Variants in RANBP17 observed in about 807,000 individuals in gnomAD.
The protein encoded by RANBP17 is RAN binding protein 17, also known as ran-binding protein 17.
Under a neutral mutation model 141.2 loss-of-function variants are expected in RANBP17, and 158 were observed. The ratio of observed to expected loss-of-function variants is 1.12; its 90% confidence interval spans 0.98 to 1.28. The LOEUF (loss-of-function observed/expected upper bound fraction) is 1.28. RANBP17 is among the 50% of genes most tolerant of loss of function. RANBP17 has a pLI of 0.00. For synonymous variants in RANBP17, 430 were observed against 450.0 expected (o/e 0.96, Z 0.56); for missense variants, 1,438 against 1,290.7 (o/e 1.11, Z -1.75).
At chr5:171,020,276 A>G (rs753661881) in intron 14 of RANBP17, among the ~76,000 whole-genome samples, 28 of 152,264 alleles carry the variant, frequency 1.8e-4, no homozygotes, top group Non-Finnish European at 2.2e-4. Context: ...GTGGATGTCT[A>G]TTAGGTCCAC....
intron 14 of RANBP17, among the ~76,000 whole-genome samples, chr5:171,104,023 C>T (rs1370559811): frequency 6.6e-6 from 1 of 151,976 alleles, no homozygotes; most frequent in African/African-American, 2.4e-5. Flanking sequence ...TCGCTGGGAG[C>T]TTTTTGTTTG....
chr5:170,985,018 CAT>C lies in RANBP17; in HGVS notation c.1710+16645_1710+16646del, dbSNP rs1778035615. 2.8e-5 allele frequency among the ~76,000 whole-genome samples: 4 copies of C among 145,318 alleles called. No individual in the cohort carries two copies. The South Asian group carries it at 9.7e-4, about 35-fold the overall frequency. ...ATACACAGACACACAGACACATACACATATACACACACAGACACACAGGCACA... is the reference window on the plus strand; with the variant it reads ...ATACACAGACACACAGACACATACACATACACACACAGACACACAGGCACA... On this transcript the variant is annotated intron_variant, in intron 14 of 27. Transcript: ENST00000523189.
At chr5:171,079,374 T>C (rs1785125080) in intron 14 of RANBP17, among the ~76,000 whole-genome samples, 1 of 152,204 alleles carries the variant, frequency 6.6e-6, no homozygotes, top group Admixed American at 6.5e-5. Flanking sequence ...TGACAAAAGA[T>C]TTAGAAAATT....
intron 14 of RANBP17, among the ~76,000 whole-genome samples, chr5:171,115,013 A>G (rs1049453936): frequency 6.6e-5 from 10 of 151,998 alleles, no homozygotes; most frequent in Admixed American, 2.0e-4. Context: ...GCTTGGGAGG[A>G]TGATTGCAGC....
chr5:171,226,904 G>A lies in RANBP17; in HGVS notation c.2422+5064G>A, dbSNP rs555724293. The stretch of plus-strand genomic sequence containing the variant: ...GTGTTTTTTATAAATTGAAGGTTTG[G>A]AGCAACCCTGCATGGAGCAAGTATA... On this transcript the variant is annotated intron_variant, in intron 22 of 27. Transcript: ENST00000523189. Among the ~76,000 whole-genome samples, 10 of 152,208 alleles carry A rather than the reference G, an allele frequency of 6.6e-5. No homozygotes were observed. The South Asian group carries it at 1.7e-3, about 25-fold the overall frequency.
chr5:171,264,481 C>T (rs1049360603), intron 24 of RANBP17, among the ~76,000 whole-genome samples: 2 of 152,182 alleles, frequency 1.3e-5, no homozygotes, highest in African/African-American at 4.8e-5. Context: ...GTGCAGTCTT[C>T]TAGCTGTGTG....
chr5:170,962,308 T>C (rs1358745576), intron 13 of RANBP17, among the ~76,000 whole-genome samples: 1 of 152,242 alleles, frequency 6.6e-6, no homozygotes, highest in Non-Finnish European at 1.5e-5. Context: ...GGTGGGGATG[T>C]CATTGCCTCT....
chr5:171,020,920 C>CT lies in RANBP17; in HGVS notation c.1710+52546dup, dbSNP rs565300872. Among the ~76,000 whole-genome samples, 162 of 152,200 alleles carry CT rather than the reference C, an allele frequency of 1.1e-3. 3 individuals carry two copies. In the South Asian group the frequency reaches 0.033, roughly 31 times the overall value. On this transcript the variant is annotated intron_variant, in intron 14 of 27. Coordinates refer to ENST00000523189, the MANE Select transcript of RANBP17 (RefSeq NM_022897.5). ...TTGCAGTGGCTGGTACCAGTTTTTC[C>CT]TTTCCATATTTAGTGCTTCCTTCAA...
At chr5:171,174,894 G>A (rs191269242) in intron 16 of RANBP17, among the ~76,000 whole-genome samples, 1 of 151,724 alleles carries the variant, frequency 6.6e-6, no homozygotes, top group Non-Finnish European at 1.5e-5. Context: ...GTGGTTTGCT[G>A]CACCCATCAA....
intron 14 of RANBP17, among the ~76,000 whole-genome samples, chr5:170,995,925 C>G (rs1410839626): frequency 6.6e-6 from 1 of 151,992 alleles, no homozygotes; most frequent in East Asian, 1.9e-4. Flanking sequence ...ACTTGGGGAA[C>G]TGATGCAGGA....
chr5:171,057,511 C>G (rs932779790), intron 14 of RANBP17, among the ~76,000 whole-genome samples: 3 of 152,066 alleles, frequency 2.0e-5, no homozygotes, highest in Non-Finnish European at 4.4e-5. Flanking sequence ...CTTCATAGTA[C>G]TCCATTTTGT....
chr5:170,988,162 T>C (rs60148265), intron 14 of RANBP17, among the ~76,000 whole-genome samples: 1,770 of 151,806 alleles, frequency 0.012, 31 homozygotes, highest in African/African-American at 0.041. Flanking sequence ...TTTTAATGAT[T>C]ATAAATTCTC....
At chr5:170,982,526 T>C (rs759286161) in intron 14 of RANBP17, among the ~76,000 whole-genome samples, 2 of 152,130 alleles carry the variant, frequency 1.3e-5, no homozygotes, top group Non-Finnish European at 2.9e-5. Context: ...TAGAAGAAAT[T>C]AAAACTTAGT....
At chr5:171,200,309 A>G (rs1184094076) in intron 19 of RANBP17, among the ~76,000 whole-genome samples, 1 of 152,208 alleles carries the variant, frequency 6.6e-6, no homozygotes, top group Non-Finnish European at 1.5e-5. Context: ...TAAGGTTTTT[A>G]TGTGCCTGTG....
At chr5:171,216,865 A>G (rs1316672146) in intron 21 of RANBP17, among the ~76,000 whole-genome samples, 2 of 152,162 alleles carry the variant, frequency 1.3e-5, no homozygotes, top group African/African-American at 2.4e-5. Context: ...AACAGAGACA[A>G]TTTGACTTCC....
intron 14 of RANBP17, among the ~76,000 whole-genome samples, chr5:171,022,520 AC>A (rs1311904944): frequency 1.3e-5 from 2 of 152,186 alleles, no homozygotes; most frequent in Non-Finnish European, 2.9e-5. Flanking sequence ...GGGGAACCCC[AC>A]CCAGTGAGGA....
intron 12 of RANBP17, among the ~76,000 whole-genome samples, chr5:170,940,001 A>G (rs1425242621): frequency 6.6e-6 from 1 of 152,184 alleles, no homozygotes; most frequent in Admixed American, 6.5e-5. Flanking sequence ...AAATAACCAG[A>G]GACAATAGGA....
intron 14 of RANBP17, among the ~76,000 whole-genome samples, chr5:171,024,196 T>A (rs186650553): frequency 2.2e-4 from 33 of 152,244 alleles, no homozygotes; most frequent in Non-Finnish European, 3.8e-4. Context: ...TAATAGAGAA[T>A]CTGTGAAGAC....
chr5:171,257,378 C>G (rs961656091), intron 24 of RANBP17, among the ~76,000 whole-genome samples: 3 of 152,036 alleles, frequency 2.0e-5, no homozygotes, highest in African/African-American at 7.2e-5. Flanking sequence ...TGACAAAAAC[C>G]CTCAACAAAC....
Sources: allele counts gnomAD v4.1 joint callset (sites outside exome capture counted in the v4.1 genomes callset), GRCh38; gene constraint gnomAD v4.1.1; transcripts MANE v1.5; gene names NCBI Gene and HGNC (gene_info 2026-07-23, HGNC 2026-07-21).